The following FANK1 variants were observed in gnomAD, a reference collection of about 807,000 sequenced individuals.
The protein encoded by FANK1 is fibronectin type III and ankyrin repeat domains 1.
A neutral mutation model predicts 45.3 loss-of-function variants in FANK1; 44 were observed. The ratio of observed to expected loss-of-function variants is 0.97; its 90% CI spans 0.76 to 1.25. The LOEUF is 1.25. Among genes scored for constraint, FANK1 ranks in the 50% most tolerant of loss-of-function variants. The pLI is 0.00. For synonymous variants in FANK1, 149 were observed against 152.5 expected (o/e 0.98, Z 0.17); for missense variants, 391 against 424.4 (o/e 0.92, Z 0.69).
intron 1 of FANK1, among the ~76,000 whole-genome samples, chr10:125,929,277 G>C (rs1011797261): frequency 1.3e-5 from 2 of 152,126 alleles, no homozygotes; most frequent in African/African-American, 2.4e-5. Context: ...GCAGAAAAAA[G>C]TCCCTCAGGT....
At chr10:125,956,957 C>G (rs1156763442) in intron 1 of FANK1, among the ~76,000 whole-genome samples, 1 of 152,150 alleles carries the variant, frequency 6.6e-6, no homozygotes, top group Non-Finnish European at 1.5e-5. Context: ...CGGGTTCAAG[C>G]GATTCTCCTG....
At chr10:125,949,487 C>G (rs1395551732) in intron 1 of FANK1, among the ~76,000 whole-genome samples, 1 of 152,032 alleles carries the variant, frequency 6.6e-6, no homozygotes, top group Non-Finnish European at 1.5e-5. Flanking sequence ...AACAGAGAGC[C>G]AAATCATGAG....
chr10:125,975,857 T>G (rs1330697057), intron 1 of FANK1, among the ~76,000 whole-genome samples: 1 of 152,254 alleles, frequency 6.6e-6, no homozygotes, highest in Non-Finnish European at 1.5e-5. Context: ...CAGCTGGTGC[T>G]GTCACTGATC....
At chr10:125,911,904 A>G (rs772419966) in intron 1 of FANK1, among the ~76,000 whole-genome samples, 8 of 152,168 alleles carry the variant, frequency 5.3e-5, no homozygotes, top group South Asian at 2.1e-4. Flanking sequence ...CCCTGCACAG[A>G]AGGAGGAGAT....
chr10:125,952,273 T>C (rs1159454775), intron 1 of FANK1, among the ~76,000 whole-genome samples: 1 of 152,206 alleles, frequency 6.6e-6, no homozygotes, highest in Non-Finnish European at 1.5e-5. Context: ...GTGAAAACTT[T>C]TATTTTAACT....
chr10:125,967,630 G>T (rs1180260139), intron 1 of FANK1, among the ~76,000 whole-genome samples: 2 of 152,054 alleles, frequency 1.3e-5, no homozygotes, highest in African/African-American at 4.8e-5. Context: ...TTGAGACAGG[G>T]TCTCATTCTG....
intron 1 of FANK1, among the ~76,000 whole-genome samples, chr10:125,936,878 A>T (rs1948134935): frequency 6.6e-6 from 1 of 151,888 alleles, no homozygotes; most frequent in Admixed American, 6.6e-5. Flanking sequence ...GACCAGCCTG[A>T]CAAACATGGA....
chr10:125,975,733 T>C (rs1218926081), intron 1 of FANK1, among the ~76,000 whole-genome samples: 1 of 152,262 alleles, frequency 6.6e-6, no homozygotes, highest in Admixed American at 6.5e-5. Context: ...AAATATTTTC[T>C]CCCATTCTGT....
chr10:125,915,104 C>T (rs1331835957), intron 1 of FANK1, among the ~76,000 whole-genome samples: 2 of 152,122 alleles, frequency 1.3e-5, no homozygotes, highest in African/African-American at 4.8e-5. Flanking sequence ...ACTCCTGAGT[C>T]GGGGCCCAGT....
At chr10:125,926,352 G>A (rs1236340122) in intron 1 of FANK1, among the ~76,000 whole-genome samples, 3 of 152,308 alleles carry the variant, frequency 2.0e-5, no homozygotes, top group East Asian at 1.9e-4. Context: ...AAATTTTATC[G>A]TGTACATAGA....
At chr10:125,975,747 T>C (rs1277636918) in intron 1 of FANK1, among the ~76,000 whole-genome samples, 1 of 152,240 alleles carries the variant, frequency 6.6e-6, no homozygotes, top group Admixed American at 6.5e-5. Flanking sequence ...ATTCTGTGCC[T>C]TTTAAGTGGG....
chr10:125,966,381 T>C lies in FANK1; in HGVS notation c.14-13780T>C, dbSNP rs115554075. Among the ~76,000 whole-genome samples, 1,094 of 152,288 alleles carry C rather than the reference T, an allele frequency of 7.2e-3. 11 individuals are homozygous for C. Among genetic ancestry groups the C allele is most frequent in the African/African-American group, 0.025 (1,031 of 41,568 alleles). On this transcript the variant is annotated intron_variant, in intron 1 of 10. Coordinates refer to ENST00000368693, the MANE Select transcript of FANK1 (RefSeq NM_145235.5). ...AAGGCACCTCATTCCCAGATTAGAA[T>C]ATATGTAAACTATATGCATTTTGAA...
chr10:126,003,562 A>G (rs1952936670), intron 6 of FANK1, among the ~76,000 whole-genome samples: 1 of 152,226 alleles, frequency 6.6e-6, no homozygotes, highest in Non-Finnish European at 1.5e-5. Flanking sequence ...GAATGATGAC[A>G]GCAAATTTTC....
At chr10:125,994,181 A>G (rs1168198773) in intron 3 of FANK1, among the ~76,000 whole-genome samples, 18 of 121,258 alleles carry the variant, frequency 1.5e-4, no homozygotes, top group African/African-American at 4.1e-4. Context: ...GGTAAGAGGG[A>G]GGGTGGGTGA....
intron 1 of FANK1, among the ~76,000 whole-genome samples, chr10:125,963,314 C>T (rs924954851): frequency 3.3e-5 from 5 of 152,206 alleles, no homozygotes; most frequent in Non-Finnish European, 5.9e-5. Flanking sequence ...TAAACTAGTT[C>T]AACCATTGTG....
In FANK1 at chr10:125,932,798, T is replaced by C. The variant is rs1947837212; in HGVS notation, c.13+36143T>C. Among the ~76,000 whole-genome samples, 5 of 152,278 alleles carry C rather than the reference T, an allele frequency of 3.3e-5. No individual in the cohort carries two copies. The South Asian group carries it at 1.0e-3, about 32-fold the overall frequency. ...GTCTTGTTCCCCTTCTCAGAGGGAG[T>C]GCTTTCAACTTTTCCCCATTTAGTA... On this transcript the variant is annotated intron_variant, in intron 1 of 10. Coordinates refer to ENST00000368693, the MANE Select transcript of FANK1 (RefSeq NM_145235.5).
intron 1 of FANK1, among the ~76,000 whole-genome samples, chr10:125,934,722 CCGTTTTTTTT>C (rs1564888141): frequency 3.5e-4 from 43 of 123,018 alleles, no homozygotes; most frequent in African/African-American, 1.2e-3. Context: ...TGTACCCCTA[CCGTTTTTTTT>C]TTTTTTTTTT....
chr10:125,900,296 C>T (rs1944923939), intron 1 of FANK1, among the ~76,000 whole-genome samples: 1 of 151,900 alleles, frequency 6.6e-6, no homozygotes, highest in Admixed American at 6.6e-5. Flanking sequence ...AAAGATAGCT[C>T]ATGTATAAAA....
intron 1 of FANK1, among the ~76,000 whole-genome samples, chr10:125,903,254 C>T (rs1347209999): frequency 6.6e-6 from 1 of 152,266 alleles, no homozygotes; most frequent in Non-Finnish European, 1.5e-5. Flanking sequence ...CCAGCATCAT[C>T]CCAGAATGAC....
Sources: allele counts gnomAD v4.1 joint callset (sites outside exome capture counted in the v4.1 genomes callset), GRCh38; gene constraint gnomAD v4.1.1; transcripts MANE v1.5; gene names NCBI Gene and HGNC (gene_info 2026-07-23, HGNC 2026-07-21).